NSG1: variants seen among roughly 807,000 people sequenced by gnomAD.
The protein encoded by NSG1 is neuronal vesicle trafficking-associated protein 1.
NSG1 carries 9 observed loss-of-function variants against 19.3 expected under a neutral mutation model. The ratio of observed to expected loss-of-function variants is 0.47; its 90% confidence interval spans 0.28 to 0.81. NSG1 has a LOEUF of 0.81. Among genes scored for constraint, NSG1 ranks in the 40% least tolerant of loss-of-function variants. NSG1 has a pLI of 0.11. For missense variants in NSG1, 236 were observed against 242.4 expected, an observed-to-expected ratio of 0.97 and a Z score of 0.18; for synonymous variants, 104 against 107.0, an observed-to-expected ratio of 0.97 and a Z score of 0.17.
rs954341986 is a variant in NSG1, at chr4:4,417,228, C to T, written c.358-7C>T. On this transcript the variant is annotated splice_polypyrimidine_tract_variant and splice_region_variant and intron_variant, in intron 4 of 4. Coordinates refer to ENST00000621129, the MANE Select transcript of NSG1 (RefSeq NM_014392.5). The stretch of plus-strand genomic sequence containing the variant: ...ACGCGTGCTCTCAGTGGCCTCTTGT[C>T]TTTCAGAACACCCAGTGCATCCCAG... 3 of 1,613,484 alleles carry T rather than the reference C, an allele frequency of 1.9e-6. No homozygotes were observed. The highest frequency in any genetic ancestry group is 2.5e-6 in the Non-Finnish European group (3 of 1,179,918).
intron 4 of NSG1, among the ~76,000 whole-genome samples, chr4:4,409,953 A>G (rs1209626448): frequency 6.6e-6 from 1 of 152,238 alleles, no homozygotes; most frequent in Non-Finnish European, 1.5e-5. Context: ...GCCCTCCTCG[A>G]AAGTGGGCCC....
In NSG1 at chr4:4,387,660, A is replaced by G. The variant is rs1001392519; in HGVS notation, c.31A>G (p.Lys11Glu). Residue 11 changes from lysine to glutamate, a missense_variant, in exon 2 of 5, where the codon AAG (lysine) becomes GAG (glutamate). Physicochemically the swap from Lys to Glu is moderately conservative, Grantham distance 56 (BLOSUM62 1). Transcript: ENST00000621129. ...GAAGTTGGGGAACAATTTCGCAGAGAAGGGCACCAAGCAGCCGCTGCTGGA... is the reference window on the plus strand; with the variant it reads ...GAAGTTGGGGAACAATTTCGCAGAGGAGGGCACCAAGCAGCCGCTGCTGGA... MVKLGNNFAEKGTKQPLLEDG... is the reference protein window; with the variant it reads MVKLGNNFAEEGTKQPLLEDG... 3 of 1,613,126 alleles carry G rather than the reference A, an allele frequency of 1.9e-6. No individual in the cohort carries two copies. Among genetic ancestry groups the G allele is most frequent in the Non-Finnish European group, 1.7e-6 (2 of 1,179,716 alleles).
chr4:4,406,118 C>T (rs1223187845), intron 3 of NSG1, among the ~76,000 whole-genome samples: 2 of 152,180 alleles, frequency 1.3e-5, no homozygotes, highest in Non-Finnish European at 2.9e-5. Context: ...ACCTCCACCT[C>T]CTGGGTTCAA....
rs1383789425 is a variant in NSG1, at chr4:4,418,687, G to GT, written c.*1253dup. On this transcript the variant is annotated 3_prime_UTR_variant, in exon 5 of 5. Transcript: ENST00000621129. The stretch of plus-strand genomic sequence containing the variant: ...AGATCAGAAATAAACGACAAATAGT[G>GT]TGAGATGTGTTGTGAACAGGCATGG... The GT allele has an allele frequency of 6.6e-6, 1 of 152,638 alleles. No individual in the cohort carries two copies. Among genetic ancestry groups the GT allele is most frequent in the Non-Finnish European group, 1.5e-5 (1 of 68,034 alleles). The allele number at this position is 152,638 out of a possible 1,614,324, so 9.5% of individuals were successfully genotyped here.
intron 3 of NSG1, among the ~76,000 whole-genome samples, chr4:4,402,753 CG>C (rs1723637305): frequency 6.6e-6 from 1 of 152,162 alleles, no homozygotes; most frequent in Non-Finnish European, 1.5e-5. Context: ...ACGGTGGGCC[CG>C]GGTGTGGGCC....
chr4:4,414,455 A>C (rs1031276301), intron 4 of NSG1, among the ~76,000 whole-genome samples: 11 of 152,092 alleles, frequency 7.2e-5, no homozygotes, highest in African/African-American at 2.4e-4. Flanking sequence ...GAAGGCACCT[A>C]GGAAGGCCAG....
At chr4:4,415,895 A>G in intron 4 of NSG1, 1 of 565,348 alleles carries the variant, frequency 1.8e-6, no homozygotes, top group East Asian at 3.0e-5. Flanking sequence ...TCTGGCCTGC[A>G]GAGCCTCCTT....
intron 3 of NSG1, among the ~76,000 whole-genome samples, chr4:4,407,309 G>C (rs1723920072): frequency 6.6e-6 from 1 of 152,198 alleles, no homozygotes; most frequent in Non-Finnish European, 1.5e-5. Flanking sequence ...TGCCTGCCAG[G>C]GGCCTGAGGG....
intron 2 of NSG1, among the ~76,000 whole-genome samples, chr4:4,388,962 G>A (rs1020040327): frequency 6.6e-6 from 1 of 152,238 alleles, no homozygotes; most frequent in Non-Finnish European, 1.5e-5. Flanking sequence ...TGCAGGAGGG[G>A]CAGGGCTGCC....
chr4:4,402,461 C>T (rs1723615282), intron 3 of NSG1, among the ~76,000 whole-genome samples: 3 of 132,708 alleles, frequency 2.3e-5, no homozygotes. Flanking sequence ...GATCTCGGCT[C>T]ACTGCAAGCT....
chr4:4,405,227 G>C (rs554089875), intron 3 of NSG1, among the ~76,000 whole-genome samples: 1 of 152,080 alleles, frequency 6.6e-6, no homozygotes, highest in Non-Finnish European at 1.5e-5. Context: ...GTAATCTTCC[G>C]TCCTCACGCG....
chr4:4,401,391 C>G (rs1161039245), intron 3 of NSG1, among the ~76,000 whole-genome samples: 1 of 152,150 alleles, frequency 6.6e-6, no homozygotes, highest in Non-Finnish European at 1.5e-5. Context: ...TGTCGCCGGG[C>G]TCGTGTTCCC....
chr4:4,417,178 C>CA, intron 4 of NSG1, 57 bp from the exon 5 acceptor site: 2 of 1,485,066 alleles, frequency 1.3e-6, no homozygotes, highest in African/African-American at 1.4e-5. Context: ...CAACTGGAGA[C>CA]ACACTGGCAC....
intron 4 of NSG1, among the ~76,000 whole-genome samples, chr4:4,411,614 G>A (rs564843860): frequency 3.7e-4 from 57 of 152,190 alleles, no homozygotes; most frequent in African/African-American, 1.4e-3. Flanking sequence ...CATGGTGGCG[G>A]GTGCCTGTAA....
At position 4,418,565 on chromosome 4, in the gene NSG1, A is replaced by G. The variant is rs1724720869; in HGVS notation, c.*1130A>G. 2 of 117,120 alleles carry G rather than the reference A, an allele frequency of 1.7e-5. No individual in the cohort carries two copies. The highest frequency in any genetic ancestry group is 5.4e-4 in the South Asian group (2 of 3,676). The allele number at this position is 117,120 out of a possible 1,614,324, so 7.3% of individuals were successfully genotyped here. A position where few individuals can be genotyped will look rare whatever the true frequency, so the allele number is the denominator to read the frequency against. Reference sequence around the variant, plus strand: ...TACAAAACTGCCAGTTAGATGAACTAAGTGTGTAAAACAAATAGAAAAGAC... The same window carrying G: ...TACAAAACTGCCAGTTAGATGAACTGAGTGTGTAAAACAAATAGAAAAGAC... On this transcript the variant is annotated 3_prime_UTR_variant, in exon 5 of 5. Transcript: ENST00000621129.
intron 3 of NSG1, among the ~76,000 whole-genome samples, chr4:4,409,372 T>C (rs889193090): frequency 7.9e-5 from 12 of 152,260 alleles, no homozygotes; most frequent in Admixed American, 5.9e-4. Flanking sequence ...CTTATGAATA[T>C]GGTGAAAAAT....
At position 4,418,809 on chromosome 4, in the gene NSG1, C is replaced by G. The variant is rs1724742381; in HGVS notation, c.*1374C>G. 1 of 152,416 alleles carries G rather than the reference C, an allele frequency of 6.6e-6. No homozygotes were observed. The highest frequency in any genetic ancestry group is 1.5e-5 in the Non-Finnish European group (1 of 68,046). The allele number at this position is 152,416 out of a possible 1,614,324, so 9.4% of individuals were successfully genotyped here. A position where few individuals can be genotyped will look rare whatever the true frequency, so the allele number is the denominator to read the frequency against. ...GGTGTCTGGAGACACAGACCGTGAC[C>G]TTGGCGCAGCGGTGTGCATCAGAGG... On this transcript the variant is annotated 3_prime_UTR_variant, in exon 5 of 5. Transcript: ENST00000621129.
chr4:4,402,203 T>C (rs942770107), intron 3 of NSG1, among the ~76,000 whole-genome samples: 1 of 121,646 alleles, frequency 8.2e-6, no homozygotes, highest in Non-Finnish European at 1.8e-5. Context: ...TCTTATTTTT[T>C]CCTTTGATTT....
intron 3 of NSG1, among the ~76,000 whole-genome samples, chr4:4,402,319 C>T (rs1002344840): frequency 1.4e-5 from 2 of 147,584 alleles, no homozygotes; most frequent in Non-Finnish European, 3.0e-5. Flanking sequence ...GATTCTTCTG[C>T]CTCAGCCCTC....
Sources: gnomAD v4.1 joint callset for allele counts (sites outside exome capture counted in the v4.1 genomes callset) on GRCh38, gnomAD v4.1.1 for gene constraint, MANE v1.5 for transcripts, NCBI Gene and HGNC (gene_info 2026-07-23, HGNC 2026-07-21) for gene names.